RPH3A: variants seen among roughly 807,000 people sequenced by gnomAD.
RPH3A encodes the protein rabphilin 3A, also known as rabphilin-3A.
Under a neutral mutation model 102.2 loss-of-function variants are expected in RPH3A, and 48 were observed. The observed-to-expected ratio is 0.47, with a 90% CI of 0.37 to 0.60. RPH3A has a LOEUF of 0.60. Ranked by LOEUF, RPH3A falls within the 20% of genes least tolerant of loss-of-function variation. The pLI, the probability that RPH3A is intolerant of heterozygous loss-of-function variation, is 0.00. For synonymous variants in RPH3A, 310 were observed against 324.3 expected, an observed-to-expected ratio of 0.96 and a Z score of 0.47; for missense variants, 781 against 910.1, an observed-to-expected ratio of 0.86 and a Z score of 1.83.
intron 1 of RPH3A, among the ~76,000 whole-genome samples, chr12:112,610,241 G>A (rs1054677285): frequency 2.6e-5 from 4 of 152,232 alleles, no homozygotes; most frequent in Non-Finnish European, 4.4e-5. Flanking sequence ...GGTGGCTCAT[G>A]CCTATAATCC....
At chr12:112,671,444 A>G (rs2040129096) in intron 1 of RPH3A, among the ~76,000 whole-genome samples, 2 of 152,166 alleles carry the variant, frequency 1.3e-5, no homozygotes, top group Admixed American at 1.3e-4. Context: ...GGAAGGGGAA[A>G]TGGAGGCATA....
chr12:112,856,484 ATGTGTGTGTG>A (rs3837520), intron 5 of RPH3A, among the ~76,000 whole-genome samples: 4 of 149,366 alleles, frequency 2.7e-5, no homozygotes, highest in Admixed American at 6.6e-5. Flanking sequence ...ACACATGTGC[ATGTGTGTGTG>A]TGTGTGTGTG....
chr12:112,618,593 C>T (rs576943069), intron 1 of RPH3A, among the ~76,000 whole-genome samples: 6 of 152,256 alleles, frequency 3.9e-5, no homozygotes, highest in Admixed American at 1.3e-4. Context: ...CATCTTGTAA[C>T]GTAGAGACTC....
At chr12:112,825,748 A>G (rs7139283) in intron 2 of RPH3A, among the ~76,000 whole-genome samples, 1 of 151,952 alleles carries the variant, frequency 6.6e-6, no homozygotes, top group South Asian at 2.1e-4. Flanking sequence ...CACGGCTTAC[A>G]TGTTAGCAGG....
At chr12:112,697,361 C>T (rs1376871597) in intron 1 of RPH3A, among the ~76,000 whole-genome samples, 1 of 152,088 alleles carries the variant, frequency 6.6e-6, no homozygotes, top group Non-Finnish European at 1.5e-5. Context: ...TAAAACAACA[C>T]TATTTATGAT....
At chr12:112,859,503 G>T in intron 5 of RPH3A, among the ~76,000 whole-genome samples, 1 of 152,278 alleles carries the variant, frequency 6.6e-6, no homozygotes, top group East Asian at 1.9e-4. Flanking sequence ...GGTGATTATC[G>T]CTGTGAATAT....
upstream of RPH3A, among the ~76,000 whole-genome samples, chr12:112,787,821 G>A (rs112083708): frequency 5.3e-5 from 8 of 152,322 alleles, 2 homozygotes; most frequent in South Asian, 2.1e-4. Flanking sequence ...GGTAGCATTT[G>A]TTGCTGTAGC....
chr12:112,867,931 A>C (rs1246501842), intron 7 of RPH3A, among the ~76,000 whole-genome samples: 1 of 152,188 alleles, frequency 6.6e-6, no homozygotes, highest in Non-Finnish European at 1.5e-5. Context: ...GGCACAGAGC[A>C]GGGTGGAGAA....
intron 4 of RPH3A, among the ~76,000 whole-genome samples, chr12:112,844,565 A>G (rs1356869943): frequency 6.6e-6 from 1 of 152,216 alleles, no homozygotes. Flanking sequence ...AGTTAAGCCA[A>G]GCCCAGCCTC....
chr12:112,700,319 T>C (rs1025651770), intron 1 of RPH3A, among the ~76,000 whole-genome samples: 1 of 152,210 alleles, frequency 6.6e-6, no homozygotes, highest in Non-Finnish European at 1.5e-5. Flanking sequence ...TCCACCCACC[T>C]CTGCTTCCCC....
At chr12:112,758,203 A>T (rs1326804852) in intron 1 of RPH3A, among the ~76,000 whole-genome samples, 2 of 152,152 alleles carry the variant, frequency 1.3e-5, no homozygotes, top group African/African-American at 4.8e-5. Flanking sequence ...CCTGCCTCTA[A>T]ATGGGTGGTT....
intron 5 of RPH3A, among the ~76,000 whole-genome samples, chr12:112,854,990 CTT>C (rs1375686445): frequency 6.6e-6 from 1 of 151,534 alleles, no homozygotes; most frequent in Admixed American, 6.6e-5. Flanking sequence ...GTTCATTCCT[CTT>C]TACCACAGTG....
At chr12:112,616,232 C>T (rs528182246) in intron 1 of RPH3A, among the ~76,000 whole-genome samples, 15 of 152,150 alleles carry the variant, frequency 9.9e-5, no homozygotes, top group African/African-American at 3.1e-4. Context: ...CTGCAACCTC[C>T]GCCTCCCGGG....
intron 5 of RPH3A, among the ~76,000 whole-genome samples, chr12:112,851,425 G>A (rs1323808875): frequency 1.3e-5 from 2 of 152,218 alleles, no homozygotes; most frequent in African/African-American, 4.8e-5. Context: ...AGAGCTGGAA[G>A]TTGAAACCCT....
intron 2 of RPH3A, among the ~76,000 whole-genome samples, chr12:112,827,775 C>G (rs1435856057): frequency 6.6e-6 from 1 of 151,710 alleles, no homozygotes; most frequent in African/African-American, 2.4e-5. Context: ...GGAGGGAGAG[C>G]ATTAGAAGGA....
chr12:112,845,789 G>A (rs1565915762), intron 4 of RPH3A, among the ~76,000 whole-genome samples: 1 of 152,146 alleles, frequency 6.6e-6, no homozygotes, highest in African/African-American at 2.4e-5. Context: ...CTATGTTCTG[G>A]TGGGAGATAA....
chr12:112,868,497 C>G lies in RPH3A; in HGVS notation c.512C>G (p.Pro171Arg). 6.2e-7 allele frequency: 1 copy of G among 1,614,178 alleles called. No homozygotes were observed. Among genetic ancestry groups the G allele is most frequent in the Non-Finnish European group, 8.5e-7 (1 of 1,180,020 alleles). Residue 171 changes from proline to arginine, a missense_variant, in exon 8 of 22, where the codon CCT (proline) becomes CGT (arginine). By Grantham distance (103) the Pro-to-Arg change is moderately radical. This residue lies in a region of RPH3A where 730 missense variants were observed against 810.0 expected (regional missense o/e 0.90). Coordinates refer to ENST00000389385, the MANE Select transcript of RPH3A (RefSeq NM_001143854.2). Reference sequence around the variant, plus strand: ...AAACAGGTCCTCCCACAGCCTATGCCTATAAAGAAGACCAAGCCCCAGCAG... The same window carrying G: ...AAACAGGTCCTCCCACAGCCTATGCGTATAAAGAAGACCAAGCCCCAGCAG... ...FPKQVLPQPM[P>R]IKKTKPQQPV...
intron 1 of RPH3A, among the ~76,000 whole-genome samples, chr12:112,740,019 C>T (rs2136054168): frequency 6.6e-6 from 1 of 152,290 alleles, no homozygotes. Context: ...CTTATAGCCT[C>T]AGCTCCCTCC....
intron 2 of RPH3A, among the ~76,000 whole-genome samples, chr12:112,793,750 A>G (rs1040115176): frequency 1.3e-5 from 2 of 152,136 alleles, no homozygotes; most frequent in Non-Finnish European, 2.9e-5. Flanking sequence ...TATTTAAAGT[A>G]TTGAAATTTG....
Sources: allele counts gnomAD v4.1 joint callset (sites outside exome capture counted in the v4.1 genomes callset), GRCh38; gene constraint gnomAD v4.1.1; regional missense constraint gnomAD v4.1.1; transcripts MANE v1.5; gene names NCBI Gene and HGNC (gene_info 2026-07-23, HGNC 2026-07-21).